Variants in MACROD2 observed in about 807,000 individuals in gnomAD.
MACROD2 encodes ADP-ribose glycohydrolase MACROD2.
A neutral mutation model predicts 70.4 loss-of-function variants in MACROD2; 36 were observed. The observed-to-expected ratio is 0.51, with a 90% CI of 0.39 to 0.68. The LOEUF (loss-of-function observed/expected upper bound fraction) is 0.68. Among genes scored for constraint, MACROD2 ranks in the 30% least tolerant of loss-of-function variants. MACROD2 has a pLI of 0.00. For synonymous variants in MACROD2, 172 were observed against 178.8 expected, an observed-to-expected ratio of 0.96 and a Z score of 0.30; for missense variants, 496 against 538.4, an observed-to-expected ratio of 0.92 and a Z score of 0.78.
intron 3 of MACROD2, among the ~76,000 whole-genome samples, chr20:14,120,882 G>A (rs896209413): frequency 2.0e-5 from 3 of 150,644 alleles, no homozygotes; most frequent in African/African-American, 7.3e-5. Flanking sequence ...ACCGAGAGGG[G>A]AACAACACAC....
intron 1 of MACROD2, among the ~76,000 whole-genome samples, chr20:13,998,881 G>A (rs945562313): frequency 6.6e-6 from 1 of 151,394 alleles, no homozygotes; most frequent in Non-Finnish European, 1.5e-5. Flanking sequence ...CTTGAATCCA[G>A]GTGGGAGAGG....
chr20:15,296,510 G>A (rs1160603156), intron 6 of MACROD2, among the ~76,000 whole-genome samples: 2 of 151,962 alleles, frequency 1.3e-5, no homozygotes, highest in South Asian at 2.1e-4. Flanking sequence ...GACCAAATTT[G>A]GTTCAAAAAA....
chr20:14,951,279 T>A (rs145954119), intron 5 of MACROD2, among the ~76,000 whole-genome samples: 2,838 of 152,146 alleles, frequency 0.019, 55 homozygotes, highest in Non-Finnish European at 0.025. Context: ...CTTACAGAAC[T>A]GGGGTATCAA....
chr20:15,202,697 T>C (rs149820), intron 5 of MACROD2, among the ~76,000 whole-genome samples: 56,988 of 152,010 alleles, frequency 0.37, 10,888 homozygotes, highest in Non-Finnish European at 0.41. Context: ...ATGGTAGAAT[T>C]ATGCAAATTA....
intron 4 of MACROD2, among the ~76,000 whole-genome samples, chr20:14,570,255 G>C (rs964789796): frequency 6.6e-6 from 1 of 152,138 alleles, no homozygotes. Flanking sequence ...ATACCAGTAA[G>C]AACATTCTAT....
intron 10 of MACROD2, among the ~76,000 whole-genome samples, chr20:15,923,997 G>T (rs1407126486): frequency 6.6e-6 from 1 of 152,154 alleles, no homozygotes; most frequent in Non-Finnish European, 1.5e-5. Flanking sequence ...TCAGCTTTGG[G>T]GTGGTTGTTG....
intron 8 of MACROD2, among the ~76,000 whole-genome samples, chr20:15,576,552 G>GGTTT (rs71340231): frequency 6.9e-6 from 1 of 145,752 alleles, no homozygotes; most frequent in Non-Finnish European, 1.5e-5. Flanking sequence ...TGCACAAAAT[G>GGTTT]TTTTTTTTTT....
intron 5 of MACROD2, among the ~76,000 whole-genome samples, chr20:14,771,201 A>T (rs947979654): frequency 1.3e-5 from 2 of 150,606 alleles, no homozygotes; most frequent in African/African-American, 5.0e-5. Flanking sequence ...TACTAGACTT[A>T]TATCATCAGC....
chr20:14,768,573 C>T (rs773511633), intron 5 of MACROD2, among the ~76,000 whole-genome samples: 1 of 152,040 alleles, frequency 6.6e-6, no homozygotes, highest in African/African-American at 2.4e-5. Context: ...CCTGCCTCAG[C>T]CTTCCAAAGC....
chr20:15,991,837 A>G lies in MACROD2; in HGVS notation c.1153+4679A>G, dbSNP rs558237812. Among the ~76,000 whole-genome samples the G allele has an allele frequency of 1.1e-3, 168 of 152,332 alleles. 3 individuals carry two copies. The South Asian group carries it at 0.034, about 30-fold the overall frequency. ...AATTATGTTTTAGGATATCAGTTAA[A>G]TTAAAAATGCTGGTCTCTGTTTGGG... On this transcript the variant is annotated intron_variant, in intron 15 of 17. Coordinates refer to ENST00000684519, the MANE Select transcript of MACROD2 (RefSeq NM_001351661.2).
At chr20:14,959,036 G>A (rs2074560971) in intron 5 of MACROD2, among the ~76,000 whole-genome samples, 1 of 152,132 alleles carries the variant, frequency 6.6e-6, no homozygotes, top group Admixed American at 6.5e-5. Flanking sequence ...CTAAATAGCT[G>A]CTTGCAACAT....
chr20:14,492,997 T>C (rs436801), intron 3 of MACROD2, among the ~76,000 whole-genome samples: 27,598 of 152,086 alleles, frequency 0.18, 2,791 homozygotes, highest in South Asian at 0.36. Flanking sequence ...GAAAAAGTAA[T>C]ACATTGTTAT....
At position 14,333,984 on chromosome 20, in the gene MACROD2, C is replaced by G. The variant is rs2082889789; in HGVS notation, c.272-159495C>G. On this transcript the variant is annotated intron_variant, in intron 3 of 17. Transcript: ENST00000684519. ...AATAAAGAACAAAAGCTGTCATTGT[C>G]TCATCGAGTGAGAGCAATTTCTCCC... 2.6e-5 allele frequency among the ~76,000 whole-genome samples: 4 copies of G among 152,194 alleles called. 1 individual carries two copies. The highest frequency in any genetic ancestry group is 9.6e-5 in the African/African-American group (4 of 41,462).
rs1233432511 is a variant in MACROD2 at position 14,702,678 on chromosome 20, C to CAT, written c.418+17724_418+17725dup. ...ATATATATGTGTATATATATATACA[C>CAT]ATATATGTGTATATATATGTATATA... On this transcript the variant is annotated intron_variant, in intron 5 of 17. Coordinates refer to ENST00000684519, the MANE Select transcript of MACROD2 (RefSeq NM_001351661.2). Among the ~76,000 whole-genome samples, 512 of 68,162 alleles carry CAT rather than the reference C, an allele frequency of 7.5e-3. 57 individuals carry two copies. Among genetic ancestry groups the CAT allele is most frequent in the African/African-American group, 0.026 (478 of 18,288 alleles). The allele number at this position is 68,162 out of a possible 152,430, so 44.7% of individuals were successfully genotyped here. A position where few individuals can be genotyped will look rare whatever the true frequency, so the allele number is the denominator to read the frequency against.
chr20:15,037,624 A>G (rs925794230), intron 5 of MACROD2, among the ~76,000 whole-genome samples: 1 of 151,638 alleles, frequency 6.6e-6, no homozygotes, highest in African/African-American at 2.4e-5. Context: ...TACTTTGATT[A>G]CTTTCTCTCT....
At chr20:15,064,906 T>G (rs1193311308) in intron 5 of MACROD2, among the ~76,000 whole-genome samples, 1 of 152,230 alleles carries the variant, frequency 6.6e-6, no homozygotes, top group African/African-American at 2.4e-5. Context: ...CAGAGGCAAG[T>G]GTGAGCACAG....
At position 15,088,437 on chromosome 20, in the gene MACROD2, AT is replaced by A. The variant is rs1568567398; in HGVS notation, c.419-141502del. ...TATATATATATATATATATATATAT[AT>A]ATATATATATATAATATTTTGTGTG... On this transcript the variant is annotated intron_variant, in intron 5 of 17. Transcript: ENST00000684519. Among the ~76,000 whole-genome samples, 213 of 31,060 alleles carry A rather than the reference AT, an allele frequency of 6.9e-3. 3 individuals are homozygous for A. The highest frequency in any genetic ancestry group is 0.017 in the African/African-American group (184 of 11,128). The allele number at this position is 31,060 out of a possible 152,430, so 20.4% of individuals were successfully genotyped here.
intron 5 of MACROD2, among the ~76,000 whole-genome samples, chr20:14,833,019 C>A (rs755690273): frequency 5.9e-5 from 9 of 152,124 alleles, no homozygotes; most frequent in Non-Finnish European, 8.8e-5. Context: ...ATTGTGTGTC[C>A]ACACTGTCTT....
intron 2 of MACROD2, among the ~76,000 whole-genome samples, chr20:14,071,635 A>G (rs1335083267): frequency 6.6e-6 from 1 of 152,134 alleles, no homozygotes; most frequent in Non-Finnish European, 1.5e-5. Context: ...TTAGTGAATT[A>G]TATCTTTTGT....
Sources: allele counts gnomAD v4.1 joint callset (sites outside exome capture counted in the v4.1 genomes callset), GRCh38; gene constraint gnomAD v4.1.1; transcripts MANE v1.5; gene names NCBI Gene and HGNC (gene_info 2026-07-23, HGNC 2026-07-21).